The following PUM2 variants were observed in gnomAD, a reference collection of about 807,000 sequenced individuals.
PUM2 encodes pumilio homolog 2.
A neutral mutation model predicts 124.5 loss-of-function variants in PUM2; 57 were observed. The observed-to-expected ratio is 0.46, with a 90% CI of 0.37 to 0.57. The LOEUF (loss-of-function observed/expected upper bound fraction) is 0.57, where lower values mean the gene tolerates loss of function less well. PUM2 is among the 20% of genes least tolerant of loss of function. The probability of loss-of-function intolerance (pLI) is 0.00; values close to 1 mark genes in which losing one functional copy is unlikely to be tolerated. For synonymous variants in PUM2, 460 were observed against 446.1 expected, an observed-to-expected ratio of 1.03 and a Z score of -0.39; for missense variants, 1,065 against 1,290.6, an observed-to-expected ratio of 0.83 and a Z score of 2.68.
chr2:20,313,617 C>G (rs2148635175), intron 3 of PUM2, among the ~76,000 whole-genome samples: 1 of 152,098 alleles, frequency 6.6e-6, no homozygotes, highest in Admixed American at 6.6e-5. Context: ...ATCACTTGAG[C>G]AGAGGAGCTT....
intron 1 of PUM2, among the ~76,000 whole-genome samples, chr2:20,346,041 T>C (rs1688187169): frequency 1.3e-5 from 2 of 152,220 alleles, no homozygotes; most frequent in Admixed American, 1.3e-4. Flanking sequence ...CTATTCTTGC[T>C]AGTGTAGGAT....
In PUM2 at chr2:20,260,570, TTACCA is replaced by T. The variant is rs1186527457; in HGVS notation, c.2226-109_2226-105del. 6.8e-6 allele frequency: 7 copies of T among 1,029,460 alleles called. No homozygotes were observed. The East Asian group carries it at 1.8e-4, about 26-fold the overall frequency. The allele number at this position is 1,029,460 out of a possible 1,614,324, so 63.8% of individuals were successfully genotyped here. A position where few individuals can be genotyped will look rare whatever the true frequency, so the allele number is the denominator to read the frequency against. ...GCACTGCAAGTTATTTCCATAAATA[TTACCA>T]TACTTTATATAGTAGACAGCTAACT... On this transcript the variant is annotated intron_variant, in intron 14 of 20. Transcript: ENST00000361078.
intron 1 of PUM2, among the ~76,000 whole-genome samples, chr2:20,328,118 G>A (rs189860072): frequency 6.6e-6 from 1 of 152,256 alleles, no homozygotes; most frequent in East Asian, 1.9e-4. Context: ...GTGATCACTT[G>A]AGGTCAAGAG....
At chr2:20,268,641 A>AATATAT (rs72044779) in intron 13 of PUM2, among the ~76,000 whole-genome samples, 12 of 150,352 alleles carry the variant, frequency 8.0e-5, no homozygotes, top group African/African-American at 2.7e-4. Flanking sequence ...AAACAAACAA[A>AATATAT]ATATATATAT....
At chr2:20,344,982 CAAAAAAAAAAAAA>C (rs762460030) in intron 1 of PUM2, among the ~76,000 whole-genome samples, 1 of 66,262 alleles carries the variant, frequency 1.5e-5, no homozygotes, top group Admixed American at 2.0e-4. Flanking sequence ...GACTCTGTCT[CAAAAAAAAAAAAA>C]AAAAAAAAAG....
intron 9 of PUM2, among the ~76,000 whole-genome samples, chr2:20,291,857 C>T (rs1474287975): frequency 6.6e-6 from 1 of 152,124 alleles, no homozygotes; most frequent in Non-Finnish European, 1.5e-5. Flanking sequence ...ATACCGTTTG[C>T]AACGCCAACC....
At chr2:20,301,690 C>A (rs567499154) in intron 7 of PUM2, among the ~76,000 whole-genome samples, 1 of 152,072 alleles carries the variant, frequency 6.6e-6, no homozygotes, top group Non-Finnish European at 1.5e-5. Context: ...CAGGCTCAAG[C>A]GATCCTCCCA....
intron 1 of PUM2, among the ~76,000 whole-genome samples, chr2:20,347,393 A>C (rs1262851115): frequency 6.6e-6 from 1 of 152,232 alleles, no homozygotes; most frequent in Non-Finnish European, 1.5e-5. Context: ...AGGAAAAAAA[A>C]CACTAACATG....
At position 20,311,621 on chromosome 2, in the gene PUM2, G is replaced by T. The variant is rs746036914; in HGVS notation, c.391C>A (p.Gln131Lys). 3 of 1,613,176 alleles carry T rather than the reference G, an allele frequency of 1.9e-6. No homozygotes were observed. The highest frequency in any genetic ancestry group is 2.5e-6 in the Non-Finnish European group (3 of 1,179,550). The change falls in exon 5 of 21, where the codon CAA becomes AAA. Residue 131 changes from glutamine (Q) to lysine (K), a missense_variant. Physicochemically the swap from Gln to Lys is moderately conservative, Grantham distance 53. This residue lies in a region of PUM2 where 968 missense variants were observed against 1,159.8 expected (regional missense o/e 0.83). Coordinates refer to ENST00000361078, the MANE Select transcript of PUM2 (RefSeq NM_015317.5). ...AETDGPEKGDQKGKASPFEED... is the reference protein window; with the variant it reads ...AETDGPEKGDKKGKASPFEED... ...TCAAATGGAGAAGCCTTGCCTTTTT[G>T]ATCTCCTTTCTCAGGTCCATCTGTT...
In PUM2 at chr2:20,311,619, T is replaced by C. The variant is rs779218616; in HGVS notation, c.393A>G (p.Gln131=). The C allele has an allele frequency of 1.2e-6, 2 of 1,613,560 alleles. No homozygotes were observed. Among genetic ancestry groups the C allele is most frequent in the Non-Finnish European group, 1.7e-6 (2 of 1,179,660 alleles). Residue 131 remains glutamine, a synonymous_variant, in exon 5 of 21, where the codon CAA becomes CAG. Coordinates refer to ENST00000361078, the MANE Select transcript of PUM2 (RefSeq NM_015317.5). ...AETDGPEKGD[Q]KGKASPFEED... is the part of the protein sequence containing the mutation. ...CCTCAAATGGAGAAGCCTTGCCTTT[T>C]TGATCTCCTTTCTCAGGTCCATCTG...
At chr2:20,271,806 C>T (rs981143251) in intron 13 of PUM2, among the ~76,000 whole-genome samples, 8 of 152,118 alleles carry the variant, frequency 5.3e-5, no homozygotes, top group Non-Finnish European at 1.0e-4. Context: ...AAAAAGTTTA[C>T]AAAGATGTGA....
intron 1 of PUM2, among the ~76,000 whole-genome samples, chr2:20,341,535 T>C (rs893687067): frequency 1.3e-5 from 2 of 152,184 alleles, no homozygotes; most frequent in East Asian, 1.9e-4. Flanking sequence ...AAAATAAACA[T>C]CTCACTCAAC....
chr2:20,319,508 AT>A (rs2148731079), intron 2 of PUM2, among the ~76,000 whole-genome samples: 1 of 152,336 alleles, frequency 6.6e-6, no homozygotes, highest in South Asian at 2.1e-4. Flanking sequence ...TATTAAACTT[AT>A]CACACTCAAT....
chr2:20,258,498 A>G lies in PUM2; in HGVS notation c.2356-127T>C, dbSNP rs186137333. ...TGTAGGGCAGGGGCTTTAAGGTAGA[A>G]GCTAATTAAGATAGACTGGGAAATG... On this transcript the variant is annotated intron_variant, in intron 15 of 20. Transcript: ENST00000361078. 17 of 810,098 alleles carry G rather than the reference A, an allele frequency of 2.1e-5. No individual in the cohort carries two copies. In the East Asian group the frequency reaches 4.6e-4, roughly 22 times the overall value. The allele number at this position is 810,098 out of a possible 1,614,324, so 50.2% of individuals were successfully genotyped here. A position where few individuals can be genotyped will look rare whatever the true frequency, so the allele number is the denominator to read the frequency against.
Position 20,278,782 on chromosome 2 carries a change from C to G in PUM2, c.1758G>C (p.Glu586Asp). 2 of 1,613,366 alleles carry G rather than the reference C, an allele frequency of 1.2e-6. No individual in the cohort carries two copies. The highest frequency in any genetic ancestry group is 1.3e-5 in the African/African-American group (1 of 74,904). Residue 586 changes from glutamate (E) to aspartate (D), a missense_variant, in exon 13 of 21, where the codon GAG (glutamate) becomes GAC (aspartate). Physicochemically the swap from Glu to Asp is conservative, Grantham distance 45. Around this residue, in one of 3 missense-constraint regions of PUM2, gnomAD observed 968 missense variants for 1,159.8 expected, o/e 0.83. Transcript: ENST00000361078. ...SSASSSATRR[E>D]SLSTSSDLYK... ...ACAAGTCAGAGCTAGTAGATAGAGA[C>G]TCTCTCCTTGTGGCACTACTACTTG...
intron 1 of PUM2, among the ~76,000 whole-genome samples, chr2:20,342,935 G>A (rs1004196143): frequency 6.6e-6 from 1 of 152,124 alleles, no homozygotes; most frequent in Non-Finnish European, 1.5e-5. Context: ...AACCAAATCT[G>A]TGTTAGTTTC....
In PUM2 at chr2:20,308,029, C is replaced by A. The variant is rs759032467; in HGVS notation, c.832G>T (p.Ala278Ser). The A allele has an allele frequency of 6.2e-7, 1 of 1,613,504 alleles. No individual in the cohort carries two copies. The highest frequency in any genetic ancestry group is 8.5e-7 in the Non-Finnish European group (1 of 1,179,492). The change falls in exon 7 of 21, where the codon GCA becomes TCA. Residue 278 changes from alanine to serine, a missense_variant. Transcript: ENST00000361078. ...AATGCATATTGCTGCTGTTGAGCTG[C>A]AGTTAACTGTTGAACTGTTAGTGCA... ...TNALTVQQLT[A>S]AQQQQYALAA...
At chr2:20,265,862 C>G (rs866089977) in intron 13 of PUM2, among the ~76,000 whole-genome samples, 1 of 129,680 alleles carries the variant, frequency 7.7e-6, no homozygotes, top group Non-Finnish European at 1.7e-5. Context: ...ATCATTACCT[C>G]AAACACCCTT....
intron 13 of PUM2, among the ~76,000 whole-genome samples, chr2:20,264,352 AAAAAAAAAAAAAAAAATAT>A (rs1369635808): frequency 1.3e-5 from 1 of 76,284 alleles, no homozygotes; most frequent in African/African-American, 5.3e-5. Context: ...AAAAAAAAAA[AAAAAAAAAAAAAAAAATAT>A]ATATATATAT....
Sources: gnomAD v4.1 joint callset for allele counts (sites outside exome capture counted in the v4.1 genomes callset) on GRCh38, gnomAD v4.1.1 for gene constraint, gnomAD v4.1.1 regional missense constraint, MANE v1.5 for transcripts, NCBI Gene and HGNC (gene_info 2026-07-23, HGNC 2026-07-21) for gene names.